Variants in UVSSA observed in about 807,000 individuals in gnomAD.
UVSSA encodes the protein UV stimulated scaffold protein A.
Under a neutral mutation model 73.9 loss-of-function variants are expected in UVSSA, and 72 were observed. The observed-to-expected ratio is 0.97, with a 90% CI of 0.81 to 1.19. The LOEUF (loss-of-function observed/expected upper bound fraction) is 1.19. UVSSA is among the 50% of genes most tolerant of loss of function. The probability of loss-of-function intolerance (pLI) is 0.00; values close to 1 mark genes in which losing one functional copy is unlikely to be tolerated. For missense variants in UVSSA, 1,150 were observed against 965.0 expected (o/e 1.19, Z -2.54); for synonymous variants, 454 against 391.3 (o/e 1.16, Z -1.89).
intron 7 of UVSSA, chr4:1,366,112 CAG>C (rs1717289078): frequency 6.3e-6 from 3 of 475,046 alleles, no homozygotes; most frequent in Non-Finnish European, 7.5e-6. Context: ...GCCCCCAGCA[CAG>C]GGGCAGTGCA....
Position 1,353,273 on chromosome 4 carries a change from GA to G in UVSSA, c.795del (p.Ala266ArgfsTer49). 6.2e-7 allele frequency: 1 copy of G among 1,611,328 alleles called. No individual in the cohort carries two copies. The highest frequency in any genetic ancestry group is 8.5e-7 in the Non-Finnish European group (1 of 1,179,864). On this transcript the variant is annotated frameshift_variant, in exon 5 of 14. Coordinates refer to ENST00000389851, the MANE Select transcript of UVSSA (RefSeq NM_020894.4). LOFTEE classifies it high-confidence loss of function. ...RDLPASAGHP[R>X]AGGGAQPSQT... ...CTGCCTGCCTCTGCAGGCCACCCCA[GA>G]GCGGGCGGCGGGGCACAGCCATCCC...
rs1410934823 is a variant in UVSSA at position 1,375,612 on chromosome 4, A to G, written c.1433+104A>G. 9.3e-6 allele frequency: 14 copies of G among 1,499,242 alleles called. No homozygotes were observed. The East Asian group carries it at 2.7e-4, about 29-fold the overall frequency. The allele number at this position is 1,499,242 out of a possible 1,614,324, so 92.9% of individuals were successfully genotyped here. On this transcript the variant is annotated intron_variant, in intron 9 of 13. Transcript: ENST00000389851. ...AGAGGCTGCTTAGTGCCTTTTCTGG[A>G]TATCTTGGTGGAAGCCTTGGGTGTG...
At chr4:1,348,264 G>GC in intron 2 of UVSSA, 75 bp downstream of exon 2, 1 of 1,173,042 alleles carries the variant, frequency 8.5e-7, no homozygotes, top group Non-Finnish European at 1.3e-6. Context: ...CTGCCCTCCT[G>GC]CCCCCACCTG....
rs1720083157 is a variant in UVSSA, at chr4:1,386,026, A to AG, written c.*66dup. On this transcript the variant is annotated 3_prime_UTR_variant, in exon 14 of 14. Coordinates refer to ENST00000389851, the MANE Select transcript of UVSSA (RefSeq NM_020894.4). ...CTCTGCCAGTGTCTCAGGACAGCAG[A>AG]GTGGGCGTGGGTCTGGGCAGTAACC... 1.3e-6 allele frequency: 2 copies of AG among 1,548,824 alleles called. No homozygotes were observed. The highest frequency in any genetic ancestry group is 1.4e-5 in the African/African-American group (1 of 73,704).
At chr4:1,365,294 C>A (rs958507069) in intron 7 of UVSSA, among the ~76,000 whole-genome samples, 1 of 152,204 alleles carries the variant, frequency 6.6e-6, no homozygotes, top group African/African-American at 2.4e-5. Context: ...ACAGAGCAGG[C>A]CTGCCTGGGC....
At chr4:1,354,978 C>T (rs1715469335) in intron 6 of UVSSA, 131 bp downstream of exon 6, 1 of 1,527,420 alleles carries the variant, frequency 6.5e-7, no homozygotes, top group South Asian at 1.2e-5. Flanking sequence ...CTCTGTCCCT[C>T]ACCCGCAGCT....
At chr4:1,378,493 GT>G (rs1417748846) in intron 10 of UVSSA, among the ~76,000 whole-genome samples, 2 of 152,210 alleles carry the variant, frequency 1.3e-5, no homozygotes, top group Non-Finnish European at 2.9e-5. Flanking sequence ...GGAGTTTGCA[GT>G]GAGCTGAGAT....
chr4:1,373,601 A>G (rs972120688), intron 8 of UVSSA, among the ~76,000 whole-genome samples: 6 of 152,160 alleles, frequency 3.9e-5, no homozygotes, highest in African/African-American at 1.4e-4. Flanking sequence ...GCCTCTGGCC[A>G]TGGTTTTTCC....
At chr4:1,358,647 T>G (rs1351852293) in intron 7 of UVSSA, 1 of 152,236 alleles carries the variant, frequency 6.6e-6, no homozygotes, top group Non-Finnish European at 1.5e-5. Flanking sequence ...GGCCGCTGCG[T>G]CCGAGTGGCG....
At chr4:1,352,719 G>T (rs1166150739) in intron 4 of UVSSA, among the ~76,000 whole-genome samples, 1 of 152,272 alleles carries the variant, frequency 6.6e-6, no homozygotes, top group Non-Finnish European at 1.5e-5. Flanking sequence ...TGGGAGGCCA[G>T]GGCAGGCGGA....
Position 1,385,970 on chromosome 4 carries a change from G to A in UVSSA, c.*9G>A. Reference sequence around the variant, plus strand: ...ACTACGCACTGAACTAGAGAGCGGGGCCCAGTGCACTGGCCATCAGCACTT... The same window carrying A: ...ACTACGCACTGAACTAGAGAGCGGGACCCAGTGCACTGGCCATCAGCACTT... On this transcript the variant is annotated 3_prime_UTR_variant, in exon 14 of 14. Transcript: ENST00000389851. 6.2e-7 allele frequency: 1 copy of A among 1,613,836 alleles called. No individual in the cohort carries two copies. Among genetic ancestry groups the A allele is most frequent in the Middle Eastern group, 1.7e-4 (1 of 6,060 alleles).
At position 1,355,109 on chromosome 4, in the gene UVSSA, T is replaced by C; in HGVS notation, c.1048-8T>C. ...GGCCCCTGAGCTGTTCGCACCCCCG[T>C]TTCGCAGCGCTTCACCCGCGTCGGG... On this transcript the variant is annotated splice_region_variant and splice_polypyrimidine_tract_variant and intron_variant, in intron 6 of 13. Coordinates refer to ENST00000389851, the MANE Select transcript of UVSSA (RefSeq NM_020894.4). 1 of 1,613,300 alleles carries C rather than the reference T, an allele frequency of 6.2e-7. No individual in the cohort carries two copies. Among genetic ancestry groups the C allele is most frequent in the South Asian group, 1.1e-5 (1 of 91,044 alleles).
At position 1,395,323 on chromosome 4, in the gene UVSSA, T is replaced by A. The variant is rs542120602; in HGVS notation, c.*9362T>A. 1.0e-4 allele frequency: 152 copies of A among 1,452,684 alleles called. No individual in the cohort carries two copies. In the East Asian group the frequency reaches 5.3e-3, roughly 51 times the overall value. 90.0% of individuals were successfully genotyped at this position (1,452,684 alleles called of 1,614,324 possible). A position where few individuals can be genotyped will look rare whatever the true frequency, so the allele number is the denominator to read the frequency against. ...CACGTGCCCATGTGGAGTGCCCGCC[T>A]GCTCACGTGCCGATGTGGGGTGCCC... On this transcript the variant is annotated 3_prime_UTR_variant, in exon 14 of 14. Coordinates refer to the UVSSA transcript ENST00000511216.
chr4:1,362,007 T>C (rs990284746), intron 7 of UVSSA, among the ~76,000 whole-genome samples: 4 of 152,366 alleles, frequency 2.6e-5, no homozygotes, highest in African/African-American at 4.8e-5. Flanking sequence ...AGCCTGTGTG[T>C]GGCGGACAGA....
intron 11 of UVSSA, 44 bp downstream of exon 11, chr4:1,380,274 A>T: frequency 6.3e-7 from 1 of 1,578,764 alleles, no homozygotes; most frequent in Non-Finnish European, 8.6e-7. Flanking sequence ...GGGCTGGACC[A>T]GGTGGGGCAG....
Position 1,367,093 on chromosome 4 carries a change from G to A in UVSSA, c.1288+662G>A, listed in dbSNP as rs534335755. On this transcript the variant is annotated intron_variant, in intron 8 of 13. Transcript: ENST00000389851. ...CTGGTGATGCCACAGCCTCGGGTCT[G>A]GGCCCAGGGCTGCTGTGCACTCCAC... Among the ~76,000 whole-genome samples, 22 of 152,336 alleles carry A rather than the reference G, an allele frequency of 1.4e-4. 1 individual carries two copies. The South Asian group carries it at 3.9e-3, about 27-fold the overall frequency.
rs144550138 is a variant in UVSSA, at chr4:1,385,949, C to T, written c.2118C>T (p.Tyr706=). ...KHEKFSNQFN[Y]ALN ...AGAAGTTTTCAAACCAGTTTAACTA[C>T]GCACTGAACTAGAGAGCGGGGCCCA... is the stretch of plus-strand genomic sequence containing the variant. Residue 706 remains tyrosine, a synonymous_variant, in exon 14 of 14, where the codon TAC becomes TAT. Transcript: ENST00000389851. 1.9e-5 allele frequency: 30 copies of T among 1,614,044 alleles called. No individual in the cohort carries two copies. The highest frequency in any genetic ancestry group is 1.4e-4 in the South Asian group (13 of 91,088).
At chr4:1,355,332 TG>T in intron 7 of UVSSA, 87 bp downstream of exon 7, 1 of 1,363,160 alleles carries the variant, frequency 7.3e-7, no homozygotes, top group Non-Finnish European at 1.0e-6. Context: ...CCTGGGCCTG[TG>T]GGCCCGGCGG....
Position 1,395,546 on chromosome 4 carries a change from C to T in UVSSA, c.*9585C>T, listed in dbSNP as rs572687139. The T allele has an allele frequency of 4.5e-5, 72 of 1,603,180 alleles. 2 individuals are homozygous for T. The South Asian group carries it at 4.5e-4, about 10-fold the overall frequency. On this transcript the variant is annotated 3_prime_UTR_variant, in exon 14 of 14. Coordinates refer to the UVSSA transcript ENST00000511216. Reference sequence around the variant, plus strand: ...GATGTGGAGTGCCCGCCTGCTCACACGTGCCCATGTGGAGTGCCCGCCTGC... The same window carrying T: ...GATGTGGAGTGCCCGCCTGCTCACATGTGCCCATGTGGAGTGCCCGCCTGC...
Sources: gnomAD v4.1 joint callset for allele counts (sites outside exome capture counted in the v4.1 genomes callset) on GRCh38, gnomAD v4.1.1 for gene constraint, MANE v1.5 for transcripts, NCBI Gene and HGNC (gene_info 2026-07-23, HGNC 2026-07-21) for gene names.